Variants in LOC128706666 observed in about 807,000 individuals in gnomAD.
the LOC128706666 span, among the ~76,000 whole-genome samples, chr20:10,415,569 A>G: frequency 6.6e-6 from 1 of 152,204 alleles, no homozygotes; most frequent in African/African-American, 2.4e-5. Context: ...TATTGATGCC[A>G]GGAACAGCCA....
chr20:10,431,968 A>T, the LOC128706666 span: 3 of 152,032 alleles, frequency 2.0e-5, no homozygotes, highest in Admixed American at 2.0e-4. Flanking sequence ...TCAAAGCCCT[A>T]CCTTTGTGAT....
At chr20:10,432,853 T>C in the LOC128706666 span, among the ~76,000 whole-genome samples, 4 of 149,820 alleles carry the variant, frequency 2.7e-5, no homozygotes, top group African/African-American at 7.4e-5. Flanking sequence ...CCTCCTTCCA[T>C]GTACCTTAAA....
chr20:10,414,472 C>T, the LOC128706666 span, among the ~76,000 whole-genome samples: 21,868 of 151,858 alleles, frequency 0.14, 1,769 homozygotes, highest in East Asian at 0.24. Context: ...TCCATGTTTG[C>T]CAGGTTGGTC....
At chr20:10,417,578 G>A in the LOC128706666 span, among the ~76,000 whole-genome samples, 1 of 152,030 alleles carries the variant, frequency 6.6e-6, no homozygotes, top group Non-Finnish European at 1.5e-5. Context: ...TTACTGCACT[G>A]TAGCCTGGGT....
At chr20:10,418,478 G>T in the LOC128706666 span, among the ~76,000 whole-genome samples, 1 of 152,154 alleles carries the variant, frequency 6.6e-6, no homozygotes, top group African/African-American at 2.4e-5. Flanking sequence ...TCAACTATTC[G>T]GAATTTGTGT....
At chr20:10,417,288 A>G in the LOC128706666 span, among the ~76,000 whole-genome samples, 2 of 151,886 alleles carry the variant, frequency 1.3e-5, no homozygotes, top group Non-Finnish European at 2.9e-5. Flanking sequence ...TTTATAATGG[A>G]AAGAAACACT....
chr20:10,429,497 C>T, the LOC128706666 span, among the ~76,000 whole-genome samples: 4 of 152,184 alleles, frequency 2.6e-5, no homozygotes, highest in Non-Finnish European at 5.9e-5. Flanking sequence ...CACCTTTGAA[C>T]TAACCGTCCC....
chr20:10,433,782 G>A, the LOC128706666 span, among the ~76,000 whole-genome samples: 15 of 152,250 alleles, frequency 9.9e-5, no homozygotes, highest in Non-Finnish European at 4.4e-5. Context: ...GGAGGGGACG[G>A]GGAGTCACAG....
chr20:10,432,401 C>T, the LOC128706666 span, among the ~76,000 whole-genome samples: 2 of 152,324 alleles, frequency 1.3e-5, no homozygotes, highest in Non-Finnish European at 2.9e-5. Context: ...AAACATCTTG[C>T]TCAATATCAA....
the LOC128706666 span, among the ~76,000 whole-genome samples, chr20:10,416,266 A>C: frequency 6.6e-6 from 1 of 152,212 alleles, no homozygotes; most frequent in African/African-American, 2.4e-5. Context: ...AAATACAAAC[A>C]GGTGAAAGTT....
At chr20:10,420,382 C>T in the LOC128706666 span, 1 of 152,098 alleles carries the variant, frequency 6.6e-6, no homozygotes, top group Non-Finnish European at 1.5e-5. Flanking sequence ...GAAACAACTG[C>T]AGAATAGTAT....
chr20:10,427,919 C>T, the LOC128706666 span, among the ~76,000 whole-genome samples: 5 of 152,224 alleles, frequency 3.3e-5, no homozygotes, highest in Admixed American at 6.5e-5. Flanking sequence ...AAGAGCTGGG[C>T]TGCTAACAGC....
the LOC128706666 span, chr20:10,414,068 G>A: frequency 8.1e-6 from 3 of 370,856 alleles, no homozygotes; most frequent in Admixed American, 1.4e-4. Context: ...TCCAGAAAAT[G>A]AGAAAGGTAG....
the LOC128706666 span, among the ~76,000 whole-genome samples, chr20:10,418,685 T>C: frequency 6.6e-6 from 1 of 152,168 alleles, no homozygotes; most frequent in Admixed American, 6.6e-5. Flanking sequence ...TCCAAGAGTA[T>C]TTCTTTTTGC....
At chr20:10,425,980 T>C in the LOC128706666 span, among the ~76,000 whole-genome samples, 1 of 152,248 alleles carries the variant, frequency 6.6e-6, no homozygotes, top group Non-Finnish European at 1.5e-5. Context: ...TATAGTTTCA[T>C]TTACTAAAAT....
the LOC128706666 span, among the ~76,000 whole-genome samples, chr20:10,433,818 G>A: frequency 1.3e-5 from 2 of 152,328 alleles, no homozygotes; most frequent in East Asian, 1.9e-4. Context: ...CGGCAGCGCA[G>A]GTGGGAGCGT....
the LOC128706666 span, among the ~76,000 whole-genome samples, chr20:10,417,117 G>C: frequency 2.0e-4 from 30 of 152,026 alleles, no homozygotes; most frequent in Non-Finnish European, 7.4e-5. Context: ...CAGGTGTGGT[G>C]GTGGGTGCCT....
chr20:10,430,352 T>C, the LOC128706666 span, among the ~76,000 whole-genome samples: 3 of 152,358 alleles, frequency 2.0e-5, no homozygotes, highest in African/African-American at 7.2e-5. Flanking sequence ...TTCAGTTCCA[T>C]TGTGTGTACA....
At chr20:10,425,614 G>C in the LOC128706666 span, among the ~76,000 whole-genome samples, 3 of 152,136 alleles carry the variant, frequency 2.0e-5, no homozygotes, top group Non-Finnish European at 2.9e-5. Flanking sequence ...CAAAACACTT[G>C]GCAAGTTGTT....
Sources: allele counts gnomAD v4.1 joint callset (sites outside exome capture counted in the v4.1 genomes callset), GRCh38; gene constraint gnomAD v4.1.1; transcripts MANE v1.5.